Variants in CXCL5 observed in about 807,000 individuals in gnomAD.
CXCL5 encodes C-X-C motif chemokine ligand 5.
In CXCL5, 13 loss-of-function variants were observed where a neutral mutation model predicts 12.1. The observed-to-expected ratio is 1.08, with a 90% CI of 0.70 to 1.71. CXCL5 has a LOEUF of 1.71. Ranked by LOEUF, CXCL5 falls within the 40% of genes most tolerant of loss-of-function variation. CXCL5 has a pLI of 0.00. For missense variants in CXCL5, 159 were observed against 142.4 expected (o/e 1.12, Z -0.59); for synonymous variants, 67 against 59.0 (o/e 1.14, Z -0.62).
At chr4:73,998,439 G>A (rs1719247501) in intron 1 of CXCL5, 34 bp downstream of exon 1, 2 of 1,607,300 alleles carry the variant, frequency 1.2e-6, no homozygotes, top group African/African-American at 1.3e-5. Context: ...CTGTGCCCGA[G>A]TGCGAGTGCG....
chr4:73,996,369 C>T lies in CXCL5; in HGVS notation c.*1268G>A, dbSNP rs546610908. On this transcript the variant is annotated 3_prime_UTR_variant, in exon 4 of 4. Coordinates refer to ENST00000296027, the MANE Select transcript of CXCL5 (RefSeq NM_002994.5). ...CGACAGGCATCTTCCCTGCCCTCCC[C>T]GCTCCCGCTCGTCTTCTGCAATCCT... 3 of 152,554 alleles carry T rather than the reference C, an allele frequency of 2.0e-5. No homozygotes were observed. Among genetic ancestry groups the T allele is most frequent in the Admixed American group, 1.3e-4 (2 of 15,254 alleles). The allele number at this position is 152,554 out of a possible 1,614,324, so 9.5% of individuals were successfully genotyped here. A position where few individuals can be genotyped will look rare whatever the true frequency, so the allele number is the denominator to read the frequency against.
chr4:73,998,412 G>A (rs1719246718), intron 1 of CXCL5, 61 bp downstream of exon 1: 2 of 1,608,132 alleles, frequency 1.2e-6, no homozygotes, highest in South Asian at 1.1e-5. Flanking sequence ...CGACCCCGCA[G>A]AGGCTGGGAT....
Position 73,998,648 on chromosome 4 carries a change from G to A in CXCL5, c.-67C>T. On this transcript the variant is annotated 5_prime_UTR_variant, in exon 1 of 4. Coordinates refer to ENST00000296027, the MANE Select transcript of CXCL5 (RefSeq NM_002994.5). ...CTGGGTGGAGGAGCGGAGATTGGAG[G>A]AGCGAAGATTGGAGGATCCGGAGCA... is the stretch of plus-strand genomic sequence containing the variant. The A allele has an allele frequency of 2.2e-6, 3 of 1,394,936 alleles. No individual in the cohort carries two copies. The highest frequency in any genetic ancestry group is 3.0e-6 in the Non-Finnish European group (3 of 1,005,256). 86.4% of individuals were successfully genotyped at this position (1,394,936 alleles called of 1,614,324 possible). A position where few individuals can be genotyped will look rare whatever the true frequency, so the allele number is the denominator to read the frequency against.
At chr4:73,997,933 A>G (rs1328631243) in intron 3 of CXCL5, 79 bp downstream of exon 3, 1 of 1,216,662 alleles carries the variant, frequency 8.2e-7, no homozygotes, top group Non-Finnish European at 1.2e-6. Flanking sequence ...CTTAAATCGT[A>G]CAGAGAATAA....
In CXCL5 at chr4:73,998,328, G is replaced by T. The variant is rs758741757; in HGVS notation, c.120C>A (p.Ala40=). 1 of 1,614,184 alleles carries T rather than the reference G, an allele frequency of 6.2e-7. No homozygotes were observed. ...QPGPIASAGP[A]AAVLRELRCV... is the part of the protein sequence containing the mutation. ...AACGCAGCTCTCTCAACACAGCAGC[G>T]GCAGGACCAGCTGGGGAAGAAAGAG... The change falls in exon 2 of 4, where the codon GCC becomes GCA. Residue 40 remains alanine, a synonymous_variant. Transcript: ENST00000296027.
At position 73,998,085 on chromosome 4, in the gene CXCL5, TC is replaced by T. The variant is rs1270536478; in HGVS notation, c.252del (p.Lys85ArgfsTer15). On this transcript the variant is annotated frameshift_variant, in exon 3 of 4. Transcript: ENST00000296027. LOFTEE classifies it high-confidence loss of function. The stretch of plus-strand genomic sequence containing the variant: ...TCAAGACAAATTTCCTTCCCGTTCT[TC>T]AGGGAGGCTCTGAAGGAAAGAAAAA... Reference protein sequence around the residue: ...QCSKVEVVASLKNGKEICLDP... With the variant: ...QCSKVEVVASXKNGKEICLDP... 1 of 1,613,836 alleles carries T rather than the reference TC, an allele frequency of 6.2e-7. No individual in the cohort carries two copies.
rs1719219057 is a variant in CXCL5 at position 73,997,413 on chromosome 4, A to G, written c.*224T>C. ...AATAACAGCAAATAGCAGAGGTACTATGCTAAACACTTCATTAGCTGAGCT... is the reference window on the plus strand; with the variant it reads ...AATAACAGCAAATAGCAGAGGTACTGTGCTAAACACTTCATTAGCTGAGCT... On this transcript the variant is annotated 3_prime_UTR_variant, in exon 4 of 4. Coordinates refer to ENST00000296027, the MANE Select transcript of CXCL5 (RefSeq NM_002994.5). The G allele has an allele frequency of 1.8e-6, 1 of 542,654 alleles. No homozygotes were observed. Among genetic ancestry groups the G allele is most frequent in the Non-Finnish European group, 3.2e-6 (1 of 311,412 alleles). The allele number at this position is 542,654 out of a possible 1,614,324, so 33.6% of individuals were successfully genotyped here.
chr4:73,995,676 G>A lies in CXCL5; in HGVS notation c.*1961C>T, dbSNP rs1228692039. On this transcript the variant is annotated 3_prime_UTR_variant, in exon 4 of 4. Coordinates refer to ENST00000296027, the MANE Select transcript of CXCL5 (RefSeq NM_002994.5). The stretch of plus-strand genomic sequence containing the variant: ...GAAATCTTTTAATGTTTATTCAAAG[G>A]ACAAAATAAAGACTATGAACCAATG... 1 of 151,562 alleles carries A rather than the reference G, an allele frequency of 6.6e-6. No homozygotes were observed. The highest frequency in any genetic ancestry group is 1.5e-5 in the Non-Finnish European group (1 of 67,890). 9.4% of individuals were successfully genotyped at this position (151,562 alleles called of 1,614,324 possible).
chr4:73,997,487 G>A lies in CXCL5; in HGVS notation c.*150C>T. On this transcript the variant is annotated 3_prime_UTR_variant, in exon 4 of 4. Transcript: ENST00000296027. ...GTTTTCCTCACACTCTTCAAAGTGA[G>A]GAATCCAGGAAGAAAGCTAACTACT... 1 of 661,088 alleles carries A rather than the reference G, an allele frequency of 1.5e-6. No individual in the cohort carries two copies. The highest frequency in any genetic ancestry group is 1.8e-5 in the African/African-American group (1 of 54,762). The allele number at this position is 661,088 out of a possible 1,614,324, so 41.0% of individuals were successfully genotyped here. A position where few individuals can be genotyped will look rare whatever the true frequency, so the allele number is the denominator to read the frequency against.
Position 73,998,480 on chromosome 4 carries a change from G to T in CXCL5, c.102C>A (p.Ile34=). The change falls in exon 1 of 4, where the codon ATC becomes ATA. Residue 34 remains isoleucine (I), a synonymous_variant. Transcript: ENST00000296027. ...CGCGCCATGCGCTCTCACCGCTGGC[G>T]ATGGGCCCTGGCTGCGTCAGCAGCA... ...LLLLLTQPGP[I]ASAGPAAAVL... 6.2e-7 allele frequency: 1 copy of T among 1,602,632 alleles called. No homozygotes were observed. The highest frequency in any genetic ancestry group is 8.5e-7 in the Non-Finnish European group (1 of 1,174,160).
rs1191365229 is a variant in CXCL5 at position 73,998,203 on chromosome 4, T to TA, written c.242+2dup. 40 of 1,614,188 alleles carry TA rather than the reference T, an allele frequency of 2.5e-5. No homozygotes were observed. Among genetic ancestry groups the TA allele is most frequent in the Middle Eastern group, 3.3e-4 (2 of 6,062 alleles). Reference sequence around the variant, plus strand: ...ACAGCGGACACAGCAGCACAGAACTTACACCACTTCCACCTTGGAGCACTG... The same window carrying TA: ...ACAGCGGACACAGCAGCACAGAACTTAACACCACTTCCACCTTGGAGCACTG... On this transcript the variant is annotated splice_region_variant and intron_variant, in intron 2 of 3. Coordinates refer to ENST00000296027, the MANE Select transcript of CXCL5 (RefSeq NM_002994.5).
rs1306463799 is a variant in CXCL5 at position 73,996,501 on chromosome 4, G to C, written c.*1136C>G. 6.6e-6 allele frequency: 1 copy of C among 152,434 alleles called. No individual in the cohort carries two copies. Among genetic ancestry groups the C allele is most frequent in the Non-Finnish European group, 1.5e-5 (1 of 68,010 alleles). The allele number at this position is 152,434 out of a possible 1,614,324, so 9.4% of individuals were successfully genotyped here. Reference sequence around the variant, plus strand: ...AATTATATATTCTACCATAAATGCTGGCCTTCTTCAAATTATGATTTTGGA... The same window carrying C: ...AATTATATATTCTACCATAAATGCTCGCCTTCTTCAAATTATGATTTTGGA... On this transcript the variant is annotated 3_prime_UTR_variant, in exon 4 of 4. Coordinates refer to ENST00000296027, the MANE Select transcript of CXCL5 (RefSeq NM_002994.5).
intron 2 of CXCL5, 30 bp from the exon 3 acceptor site, chr4:73,998,125 T>C (rs1719237832): frequency 6.2e-7 from 1 of 1,609,344 alleles, no homozygotes; most frequent in Non-Finnish European, 8.5e-7. Context: ...GATACACTCA[T>C]GAGATACCAA....
At position 73,998,595 on chromosome 4, in the gene CXCL5, G is replaced by C. The variant is rs1161304370; in HGVS notation, c.-14C>G. 6.4e-7 allele frequency: 1 copy of C among 1,567,240 alleles called. No individual in the cohort carries two copies. The highest frequency in any genetic ancestry group is 1.2e-5 in the South Asian group (1 of 85,696). On this transcript the variant is annotated 5_prime_UTR_variant, in exon 1 of 4. Coordinates refer to ENST00000296027, the MANE Select transcript of CXCL5 (RefSeq NM_002994.5). ...CAGGAGGCTCATAGTGGTCAAGAGA[G>C]CGCTGCGAGCGGTCGCGGGTTCCTG...
Position 73,998,191 on chromosome 4 carries a change from C to T in CXCL5, c.242+15G>A. ...CTTGCCAAGGTCACAGCGGACACAG[C>T]AGCACAGAACTTACACCACTTCCAC... On this transcript the variant is annotated intron_variant, in intron 2 of 3. Transcript: ENST00000296027. 8 of 1,614,146 alleles carry T rather than the reference C, an allele frequency of 5.0e-6. No homozygotes were observed. The highest frequency in any genetic ancestry group is 6.8e-6 in the Non-Finnish European group (8 of 1,180,002).
chr4:73,998,219 T>C lies in CXCL5; in HGVS notation c.229A>G (p.Lys77Glu). The C allele has an allele frequency of 6.2e-7, 1 of 1,614,204 alleles. No individual in the cohort carries two copies. Among genetic ancestry groups the C allele is most frequent in the South Asian group, 1.1e-5 (1 of 91,088 alleles). ...CACAGAACTTACACCACTTCCACCTTGGAGCACTGTGGGCCTATGGCGAAC... is the reference window on the plus strand; with the variant it reads ...CACAGAACTTACACCACTTCCACCTCGGAGCACTGTGGGCCTATGGCGAAC... Reference protein sequence around the residue: ...QVFAIGPQCSKVEVVASLKNG... With the variant: ...QVFAIGPQCSEVEVVASLKNG... Residue 77 changes from lysine to glutamate, a missense_variant, in exon 2 of 4, where the codon AAG becomes GAG. Lys to Glu is a moderately conservative substitution (Grantham distance 56, BLOSUM62 1). Transcript: ENST00000296027.
rs1167123417 is a variant in CXCL5 at position 73,997,538 on chromosome 4, C to CA, written c.*98dup. On this transcript the variant is annotated 3_prime_UTR_variant, in exon 4 of 4. Coordinates refer to ENST00000296027, the MANE Select transcript of CXCL5 (RefSeq NM_002994.5). ...GGAAAAACAAATAAACAAACAACAACAAAATCTTTCCTTCTTGTCTTCCCT... is the reference window on the plus strand; with the variant it reads ...GGAAAAACAAATAAACAAACAACAACAAAAATCTTTCCTTCTTGTCTTCCCT... 1.1e-6 allele frequency: 1 copy of CA among 915,168 alleles called. No individual in the cohort carries two copies. The highest frequency in any genetic ancestry group is 1.7e-6 in the Non-Finnish European group (1 of 580,384). The allele number at this position is 915,168 out of a possible 1,614,324, so 56.7% of individuals were successfully genotyped here. A position where few individuals can be genotyped will look rare whatever the true frequency, so the allele number is the denominator to read the frequency against.
Position 73,997,313 on chromosome 4 carries a change from T to C in CXCL5, c.*324A>G, listed in dbSNP as rs978786473. The C allele has an allele frequency of 9.3e-5, 27 of 289,964 alleles. No homozygotes were observed. Among genetic ancestry groups the C allele is most frequent in the African/African-American group, 1.1e-4 (5 of 46,210 alleles). The allele number at this position is 289,964 out of a possible 1,614,324, so 18.0% of individuals were successfully genotyped here. On this transcript the variant is annotated 3_prime_UTR_variant, in exon 4 of 4. Coordinates refer to ENST00000296027, the MANE Select transcript of CXCL5 (RefSeq NM_002994.5). The stretch of plus-strand genomic sequence containing the variant: ...ATAGTCACCTACAATTCAAGACACT[T>C]TGAAAGATTAACAGCCAGTGATTCC...
rs200905597 is a variant in CXCL5, at chr4:73,997,362, C to G, written c.*275G>C. 3 of 371,896 alleles carry G rather than the reference C, an allele frequency of 8.1e-6. No homozygotes were observed. Among genetic ancestry groups the G allele is most frequent in the Non-Finnish European group, 1.4e-5 (3 of 211,248 alleles). 23.0% of individuals were successfully genotyped at this position (371,896 alleles called of 1,614,324 possible). On this transcript the variant is annotated 3_prime_UTR_variant, in exon 4 of 4. Transcript: ENST00000296027. ...CCTGGCTCACACTATAGTCAATTGC[C>G]AAAACTTCAATAGCATAGCAGATAA...
Sources: gnomAD v4.1 joint callset for allele counts on GRCh38, gnomAD v4.1.1 for gene constraint, MANE v1.5 for transcripts, NCBI Gene and HGNC (gene_info 2026-07-23, HGNC 2026-07-21) for gene names.